Variants in ZRANB3 observed in about 807,000 individuals in gnomAD.
The protein encoded by ZRANB3 is zinc finger RANBP2-type containing 3.
A neutral mutation model predicts 133.8 loss-of-function variants in ZRANB3; 125 were observed. That is an observed-to-expected ratio of 0.93 (90% CI 0.81 to 1.08). ZRANB3 has a LOEUF of 1.08. Ranked by LOEUF, ZRANB3 falls within the 50% of genes least tolerant of loss-of-function variation. ZRANB3 has a pLI of 0.00. For missense variants in ZRANB3, 1,229 were observed against 1,275.5 expected (o/e 0.96, Z 0.56); for synonymous variants, 387 against 432.7 (o/e 0.89, Z 1.31).
At chr2:135,390,177 C>A (rs1269133472) in intron 3 of ZRANB3, among the ~76,000 whole-genome samples, 1 of 152,068 alleles carries the variant, frequency 6.6e-6, no homozygotes, top group Non-Finnish European at 1.5e-5. Flanking sequence ...CTGCGCCTGG[C>A]CGTTTTGCTG....
chr2:135,529,858 G>C (rs1694375156), intron 1 of ZRANB3, among the ~76,000 whole-genome samples: 1 of 151,676 alleles, frequency 6.6e-6, no homozygotes, highest in African/African-American at 2.4e-5. Context: ...AGTGGTGATG[G>C]GGCCACTCTT....
At chr2:135,476,239 T>C (rs1024551744) in intron 2 of ZRANB3, among the ~76,000 whole-genome samples, 1 of 152,236 alleles carries the variant, frequency 6.6e-6, no homozygotes, top group African/African-American at 2.4e-5. Context: ...CATTTTAATA[T>C]GTACCAAATA....
Position 135,508,897 on chromosome 2 carries a change from C to A in ZRANB3, c.-7-4401G>T, listed in dbSNP as rs114961239. ...TAGATTACCAAGAAATTAACAGTTA[C>A]AATAATGTGCATACCTTTTTAATAA... is the stretch of plus-strand genomic sequence containing the variant. On this transcript the variant is annotated intron_variant, in intron 1 of 20. Coordinates refer to ENST00000264159, the MANE Select transcript of ZRANB3 (RefSeq NM_032143.4). 6.2e-3 allele frequency among the ~76,000 whole-genome samples: 939 copies of A among 151,924 alleles called. 1 individual carries two copies. The highest frequency in any genetic ancestry group is 9.3e-3 in the Non-Finnish European group (635 of 67,964).
intron 2 of ZRANB3, among the ~76,000 whole-genome samples, chr2:135,478,891 A>G (rs1691626474): frequency 6.6e-6 from 1 of 151,772 alleles, no homozygotes; most frequent in African/African-American, 2.4e-5. Flanking sequence ...ATATGTATAT[A>G]TGTATATTTT....
intron 1 of ZRANB3, among the ~76,000 whole-genome samples, chr2:135,510,232 T>C (rs933694157): frequency 2.0e-5 from 3 of 152,166 alleles, no homozygotes; most frequent in Middle Eastern, 3.2e-3. Context: ...GGGAAATGGC[T>C]GTTAGGAAAA....
chr2:135,246,696 T>C (rs553115596), intron 12 of ZRANB3, among the ~76,000 whole-genome samples: 3 of 152,348 alleles, frequency 2.0e-5, no homozygotes, highest in African/African-American at 7.2e-5. Flanking sequence ...TCTTCAGTTA[T>C]ACAGCTGAAA....
intron 2 of ZRANB3, among the ~76,000 whole-genome samples, chr2:135,485,287 C>T (rs1047829692): frequency 1.6e-4 from 25 of 151,978 alleles, no homozygotes; most frequent in Non-Finnish European, 2.9e-4. Flanking sequence ...CAGCAACACA[C>T]GATGATATGT....
At chr2:135,407,271 T>C (rs1002259728) in intron 2 of ZRANB3, among the ~76,000 whole-genome samples, 2 of 151,592 alleles carry the variant, frequency 1.3e-5, no homozygotes, top group Admixed American at 6.6e-5. Flanking sequence ...ACAAGGGACA[T>C]GAAGGACCTC....
At chr2:135,431,727 G>A (rs1483045405) in intron 2 of ZRANB3, among the ~76,000 whole-genome samples, 2 of 152,068 alleles carry the variant, frequency 1.3e-5, no homozygotes, top group African/African-American at 4.8e-5. Context: ...TTAGTGATCC[G>A]AAAACTGCAA....
At chr2:135,376,119 T>C (rs1686418551) in intron 3 of ZRANB3, among the ~76,000 whole-genome samples, 1 of 152,168 alleles carries the variant, frequency 6.6e-6, no homozygotes, top group Non-Finnish European at 1.5e-5. Flanking sequence ...AATACAGTGA[T>C]GCATCTACAA....
At chr2:135,482,173 G>A (rs1197652990) in intron 2 of ZRANB3, among the ~76,000 whole-genome samples, 1 of 140,354 alleles carries the variant, frequency 7.1e-6, no homozygotes. Context: ...GTAGCTTGAT[G>A]GGGATGGCAT....
chr2:135,366,705 G>C (rs1685954641), intron 3 of ZRANB3, among the ~76,000 whole-genome samples: 2 of 150,248 alleles, frequency 1.3e-5, no homozygotes, highest in East Asian at 3.9e-4. Flanking sequence ...ATCAATTCTT[G>C]TAAGTATTTA....
intron 2 of ZRANB3, among the ~76,000 whole-genome samples, chr2:135,483,662 T>A: frequency 6.6e-6 from 1 of 152,142 alleles, no homozygotes; most frequent in Non-Finnish European, 1.5e-5. Context: ...AGCTTTTGAA[T>A]GTGTTTGCTC....
intron 8 of ZRANB3, among the ~76,000 whole-genome samples, chr2:135,290,174 G>C (rs1681613750): frequency 6.6e-6 from 1 of 152,138 alleles, no homozygotes; most frequent in African/African-American, 2.4e-5. Flanking sequence ...TTTATGACCT[G>C]TCTAGTGCTG....
Position 135,442,508 on chromosome 2 carries a change from G to A in ZRANB3, c.162-51688C>T, listed in dbSNP as rs567195298. 3.3e-5 allele frequency among the ~76,000 whole-genome samples: 5 copies of A among 152,224 alleles called. No homozygotes were observed. The East Asian group carries it at 5.8e-4, about 18-fold the overall frequency. ...AAACCACAGTGAGATACCATCTCACGCCAGTTAGAATGGCGATCATTAAAA... is the reference window on the plus strand; with the variant it reads ...AAACCACAGTGAGATACCATCTCACACCAGTTAGAATGGCGATCATTAAAA... On this transcript the variant is annotated intron_variant, in intron 2 of 20. Transcript: ENST00000264159.
intron 14 of ZRANB3, among the ~76,000 whole-genome samples, chr2:135,226,308 A>G (rs1008106364): frequency 1.8e-4 from 28 of 152,342 alleles, no homozygotes; most frequent in Non-Finnish European, 1.5e-4. Context: ...CAGAGAGAAC[A>G]AAACTACAGT....
At chr2:135,458,826 T>C (rs1353703561) in intron 2 of ZRANB3, among the ~76,000 whole-genome samples, 1 of 152,156 alleles carries the variant, frequency 6.6e-6, no homozygotes, top group African/African-American at 2.4e-5. Context: ...TTTGCTATTG[T>C]AGAAACAGTA....
chr2:135,236,471 A>G (rs937681335), intron 12 of ZRANB3, among the ~76,000 whole-genome samples: 2 of 152,102 alleles, frequency 1.3e-5, no homozygotes, highest in Admixed American at 1.3e-4. Context: ...AAAAGAACCC[A>G]CATTGCCAAG....
Position 135,353,540 on chromosome 2 carries a change from A to G in ZRANB3, c.269T>C (p.Leu90Pro). 3 of 1,611,002 alleles carry G rather than the reference A, an allele frequency of 1.9e-6. No homozygotes were observed. The highest frequency in any genetic ancestry group is 2.5e-6 in the Non-Finnish European group (3 of 1,178,014). ...WPLLIVVPSS[L>P]RYPWTEEIEK... ...AATTTCTTCTGTCCAAGGGTACCTC[A>G]GAGACGAAGGGACCACTATTAACAG... is the stretch of plus-strand genomic sequence containing the variant. Residue 90 changes from leucine to proline, a missense_variant, in exon 4 of 21, where the codon CTG becomes CCG. Physicochemically the swap from Leu to Pro is moderately conservative, Grantham distance 98. Coordinates refer to ENST00000264159, the MANE Select transcript of ZRANB3 (RefSeq NM_032143.4).
Sources: allele counts gnomAD v4.1 joint callset (sites outside exome capture counted in the v4.1 genomes callset), GRCh38; gene constraint gnomAD v4.1.1; transcripts MANE v1.5; gene names NCBI Gene and HGNC (gene_info 2026-07-23, HGNC 2026-07-21).